SFSWAP: variants seen among roughly 807,000 people sequenced by gnomAD.
SFSWAP encodes splicing factor SWAP.
SFSWAP carries 17 observed loss-of-function variants against 100.7 expected under a neutral mutation model. That is an observed-to-expected ratio of 0.17 (90% CI 0.12 to 0.25). SFSWAP has a LOEUF of 0.25. Among genes scored for constraint, SFSWAP ranks in the 10% least tolerant of loss-of-function variants. The pLI, the probability that SFSWAP is intolerant of heterozygous loss-of-function variation, is 1.00. For missense variants in SFSWAP, 1,005 were observed against 1,262.6 expected, an observed-to-expected ratio of 0.80 and a Z score of 3.09; for synonymous variants, 504 against 510.1, an observed-to-expected ratio of 0.99 and a Z score of 0.16.
At chr12:131,782,682 G>C (rs1884586576) in intron 14 of SFSWAP, among the ~76,000 whole-genome samples, 1 of 152,152 alleles carries the variant, frequency 6.6e-6, no homozygotes. Flanking sequence ...AGATTAGAAA[G>C]CCTTCTTACA....
intron 13 of SFSWAP, among the ~76,000 whole-genome samples, chr12:131,767,304 A>G (rs1883194790): frequency 6.6e-6 from 1 of 152,160 alleles, no homozygotes; most frequent in Non-Finnish European, 1.5e-5. Flanking sequence ...TTTTTTTGTC[A>G]CATCAATTTA....
At chr12:131,726,385 T>C (rs1438341822) in intron 5 of SFSWAP, among the ~76,000 whole-genome samples, 1 of 152,094 alleles carries the variant, frequency 6.6e-6, no homozygotes, top group Non-Finnish European at 1.5e-5. Flanking sequence ...AATTTTTGTA[T>C]TTTTAGTAGA....
chr12:131,777,785 C>CT (rs1307887713), intron 13 of SFSWAP, among the ~76,000 whole-genome samples: 3 of 152,148 alleles, frequency 2.0e-5, no homozygotes. Context: ...CTCTAATACT[C>CT]TAATACTGTG....
intron 5 of SFSWAP, among the ~76,000 whole-genome samples, chr12:131,726,100 A>G (rs541774112): frequency 6.6e-6 from 1 of 152,290 alleles, no homozygotes; most frequent in South Asian, 2.1e-4. Context: ...TGGAGTTCTT[A>G]CTGCCAAAGC....
chr12:131,744,229 G>A (rs1880915304), intron 7 of SFSWAP, among the ~76,000 whole-genome samples: 1 of 152,202 alleles, frequency 6.6e-6, no homozygotes. Context: ...TTTCTCCTCA[G>A]AAAATGAGAT....
chr12:131,779,316 T>TGAGCGTGTGTGAAGAGG (rs1566051767), intron 14 of SFSWAP, among the ~76,000 whole-genome samples: 28 of 150,934 alleles, frequency 1.9e-4, no homozygotes, highest in Admixed American at 6.6e-4. Context: ...GCGGCGCTGG[T>TGAGCGTGTGTGAAGAGG]GCAGAATGTT....
At chr12:131,745,196 G>T (rs540951582) in intron 7 of SFSWAP, among the ~76,000 whole-genome samples, 1 of 152,222 alleles carries the variant, frequency 6.6e-6, no homozygotes, top group East Asian at 1.9e-4. Context: ...AAAAACTTTG[G>T]GCTTACATCT....
At chr12:131,726,364 C>G (rs1878978883) in intron 5 of SFSWAP, among the ~76,000 whole-genome samples, 1 of 152,216 alleles carries the variant, frequency 6.6e-6, no homozygotes, top group Non-Finnish European at 1.5e-5. Context: ...CACGTGCCAC[C>G]ACGCCCGGCT....
intron 11 of SFSWAP, among the ~76,000 whole-genome samples, chr12:131,760,218 A>G (rs551844241): frequency 2.0e-5 from 3 of 152,320 alleles, no homozygotes; most frequent in Non-Finnish European, 2.9e-5. Context: ...TGGTAGGTCT[A>G]ATGGGGGCAT....
intron 13 of SFSWAP, among the ~76,000 whole-genome samples, chr12:131,766,534 C>G (rs1180018685): frequency 1.3e-5 from 2 of 152,230 alleles, no homozygotes; most frequent in Non-Finnish European, 2.9e-5. Context: ...CAAACACTGC[C>G]CGCGATTTCA....
At chr12:131,729,261 T>C (rs1258675622) in intron 7 of SFSWAP, among the ~76,000 whole-genome samples, 3 of 152,110 alleles carry the variant, frequency 2.0e-5, no homozygotes, top group African/African-American at 4.8e-5. Context: ...CCCAACACTT[T>C]GGGAGGCTGA....
chr12:131,730,743 CT>C lies in SFSWAP; in HGVS notation c.1081+2316del, dbSNP rs1290252783. 6.6e-6 allele frequency among the ~76,000 whole-genome samples: 1 copy of C among 152,190 alleles called. No homozygotes were observed. The highest frequency in any genetic ancestry group is 1.5e-5 in the Non-Finnish European group (1 of 68,032). ...CCCTAAGCTTACTCTGTTCAGGCCCCTGACTACCACCACCCTGGGCACTGAC... is the reference window on the plus strand; with the variant it reads ...CCCTAAGCTTACTCTGTTCAGGCCCCGACTACCACCACCCTGGGCACTGAC... On this transcript the variant is annotated intron_variant, in intron 7 of 17. Transcript: ENST00000261674. The surrounding 1 kb of genome is among the most constrained non-coding windows in gnomAD (Gnocchi z 4.0).
intron 13 of SFSWAP, among the ~76,000 whole-genome samples, chr12:131,777,081 C>T (rs530411250): frequency 1.3e-5 from 2 of 152,278 alleles, no homozygotes; most frequent in South Asian, 2.1e-4. Context: ...AACCTAACAT[C>T]GGAGGTTTGA....
intron 7 of SFSWAP, among the ~76,000 whole-genome samples, chr12:131,729,663 C>G (rs1190268195): frequency 6.6e-6 from 1 of 152,124 alleles, no homozygotes; most frequent in Non-Finnish European, 1.5e-5. Context: ...GACGTTGGTT[C>G]CAGCGTCAGG....
At chr12:131,780,902 C>T (rs181329765) in intron 14 of SFSWAP, among the ~76,000 whole-genome samples, 378 of 152,240 alleles carry the variant, frequency 2.5e-3, no homozygotes, top group Non-Finnish European at 4.7e-3. Context: ...AAGAAATTAG[C>T]TCAGCTTTCA....
chr12:131,716,242 T>G (rs1010470838), intron 3 of SFSWAP, among the ~76,000 whole-genome samples: 3 of 152,252 alleles, frequency 2.0e-5, no homozygotes, highest in African/African-American at 7.2e-5. Context: ...CAGCTCTATT[T>G]TATGAGCTTT....
intron 15 of SFSWAP, among the ~76,000 whole-genome samples, chr12:131,795,637 G>A (rs1030279212): frequency 1.3e-5 from 2 of 152,008 alleles, no homozygotes; most frequent in Non-Finnish European, 2.9e-5. Flanking sequence ...CTGATGAGGG[G>A]CAGGGCTTGG....
At chr12:131,716,414 C>T (rs1877919997) in intron 3 of SFSWAP, among the ~76,000 whole-genome samples, 1 of 152,152 alleles carries the variant, frequency 6.6e-6, no homozygotes, top group Non-Finnish European at 1.5e-5. Flanking sequence ...TTTATTTATC[C>T]AGAATAAGCT....
chr12:131,766,280 A>G lies in SFSWAP; in HGVS notation c.2114A>G (p.Lys705Arg). Reference sequence around the variant, plus strand: ...CCTCTGCCGGAAGCAGAAGCTGGGAAAATTGAGGAGAGTCCTTTCAGTGTC... The same window carrying G: ...CCTCTGCCGGAAGCAGAAGCTGGGAGAATTGAGGAGAGTCCTTTCAGTGTC... ...KNPLPEAEAGKIEESPFSVEE... is the reference protein window; with the variant it reads ...KNPLPEAEAGRIEESPFSVEE... Residue 705 changes from lysine (K) to arginine (R), a missense_variant, in exon 13 of 18, where the codon AAA becomes AGA. Lys to Arg is a conservative substitution (Grantham distance 26). Transcript: ENST00000261674. 6.2e-7 allele frequency: 1 copy of G among 1,614,176 alleles called. No homozygotes were observed.
Sources: gnomAD v4.1 joint callset for allele counts (sites outside exome capture counted in the v4.1 genomes callset) on GRCh38, gnomAD v4.1.1 for gene constraint, Gnocchi (gnomAD v3.1) non-coding constraint, MANE v1.5 for transcripts, NCBI Gene and HGNC (gene_info 2026-07-23, HGNC 2026-07-21) for gene names.